Variants in TMEM263 observed in about 807,000 individuals in gnomAD.
TMEM263 encodes transmembrane protein 263.
Under a neutral mutation model 8.6 loss-of-function variants are expected in TMEM263, and 5 were observed. The observed-to-expected ratio is 0.58, with a 90% confidence interval of 0.31 to 1.23. TMEM263 has a LOEUF of 1.23. TMEM263 is among the 50% of genes most tolerant of loss of function. The pLI is 0.07. For synonymous variants in TMEM263, 50 were observed against 47.9 expected, an observed-to-expected ratio of 1.04 and a Z score of -0.18; for missense variants, 104 against 138.8, an observed-to-expected ratio of 0.75 and a Z score of 1.26.
chr12:106,968,088 C>T (rs941165176), intron 3 of TMEM263, among the ~76,000 whole-genome samples: 3 of 152,088 alleles, frequency 2.0e-5, no homozygotes, highest in South Asian at 2.1e-4. Flanking sequence ...TAGACTGTTA[C>T]TAAACTTAAT....
intron 2 of TMEM263, among the ~76,000 whole-genome samples, chr12:106,963,596 T>C (rs1951806776): frequency 6.6e-6 from 1 of 152,242 alleles, no homozygotes; most frequent in Non-Finnish European, 1.5e-5. Flanking sequence ...TTAATCTCTC[T>C]GTCCTTCCAT....
chr12:106,961,232 T>C (rs1284676475), intron 2 of TMEM263, among the ~76,000 whole-genome samples: 3 of 62,140 alleles, frequency 4.8e-5, no homozygotes, highest in Non-Finnish European at 1.0e-4. Flanking sequence ...CAATTTTTTT[T>C]TTTTTTTTTT....
rs1951926937 is a variant in TMEM263 at position 106,971,898 on chromosome 12, T to C, written c.*507T>C. 6.5e-6 allele frequency: 1 copy of C among 152,792 alleles called. No individual in the cohort carries two copies. The highest frequency in any genetic ancestry group is 1.5e-5 in the Non-Finnish European group (1 of 68,168). The allele number at this position is 152,792 out of a possible 1,614,324, so 9.5% of individuals were successfully genotyped here. A position where few individuals can be genotyped will look rare whatever the true frequency, so the allele number is the denominator to read the frequency against. ...TTTAAGCTGGCAAAATTAGCAGGAA[T>C]TAGAGAAGTTTAAAAAGATAAATGG... is the stretch of plus-strand genomic sequence containing the variant. On this transcript the variant is annotated 3_prime_UTR_variant, in exon 4 of 4. Transcript: ENST00000280756.
chr12:106,963,325 T>G (rs1225356845), intron 2 of TMEM263, among the ~76,000 whole-genome samples: 2 of 152,194 alleles, frequency 1.3e-5, no homozygotes, highest in Non-Finnish European at 2.9e-5. Context: ...GGAGACCCAT[T>G]CAGAGATTTT....
intron 3 of TMEM263, among the ~76,000 whole-genome samples, chr12:106,969,440 T>C (rs980965591): frequency 3.3e-5 from 5 of 152,100 alleles, no homozygotes; most frequent in African/African-American, 1.2e-4. Flanking sequence ...ATTATTAGGT[T>C]ACTAGGCCGG....
rs1258949403 is a variant in TMEM263, at chr12:106,973,251, C to A, written c.*1860C>A. ...TCAGCAAACGGGATTAAAAAAAAAA[C>A]TCCAAAATCACTAAATAATTATCTA... On this transcript the variant is annotated 3_prime_UTR_variant, in exon 4 of 4. Transcript: ENST00000280756. The A allele has an allele frequency of 6.6e-6, 1 of 152,124 alleles. No individual in the cohort carries two copies. Among genetic ancestry groups the A allele is most frequent in the Non-Finnish European group, 1.5e-5 (1 of 67,872 alleles). The allele number at this position is 152,124 out of a possible 1,614,324, so 9.4% of individuals were successfully genotyped here.
chr12:106,966,596 T>A (rs1361662765), intron 2 of TMEM263, among the ~76,000 whole-genome samples: 1 of 152,220 alleles, frequency 6.6e-6, no homozygotes, highest in Non-Finnish European at 1.5e-5. Flanking sequence ...CCATTAGCAG[T>A]GTATAAGCAT....
At chr12:106,959,180 A>G (rs1308795115) in intron 2 of TMEM263, 1 of 152,202 alleles carries the variant, frequency 6.6e-6, no homozygotes, top group Admixed American at 6.5e-5. Context: ...CAGGGCAGAT[A>G]GTTTGTATAG....
At chr12:106,962,093 G>A (rs1951784193) in intron 2 of TMEM263, among the ~76,000 whole-genome samples, 1 of 151,936 alleles carries the variant, frequency 6.6e-6, no homozygotes, top group Admixed American at 6.6e-5. Flanking sequence ...AATTAACTAT[G>A]CATATTTCTA....
chr12:106,968,959 TTAAG>T (rs1286759757), intron 3 of TMEM263, among the ~76,000 whole-genome samples: 1 of 152,218 alleles, frequency 6.6e-6, no homozygotes, highest in Admixed American at 6.5e-5. Context: ...CATCTATATA[TTAAG>T]TCTTTTACTT....
intron 2 of TMEM263, among the ~76,000 whole-genome samples, chr12:106,958,795 G>A (rs1255526504): frequency 6.6e-6 from 1 of 152,158 alleles, no homozygotes; most frequent in Non-Finnish European, 1.5e-5. Context: ...TTTTTTGGTA[G>A]AGATGAGGTC....
At chr12:106,968,085 T>A (rs1951869435) in intron 3 of TMEM263, among the ~76,000 whole-genome samples, 1 of 152,136 alleles carries the variant, frequency 6.6e-6, no homozygotes, top group African/African-American at 2.4e-5. Context: ...GTATAGACTG[T>A]TACTAAACTT....
At chr12:106,957,197 TGTGTGTGTGTGTG>T (rs1204499648) in intron 2 of TMEM263, 48 bp downstream of exon 2, 1 of 954,056 alleles carries the variant, frequency 1.0e-6, no homozygotes, top group Admixed American at 6.2e-5. Flanking sequence ...TGTGTGTGTG[TGTGTGTGTGTGTG>T]TATGTGTGTG....
In TMEM263 at chr12:106,972,121, A is replaced by G. The variant is rs1807022039; in HGVS notation, c.*730A>G. The G allele has an allele frequency of 6.6e-6, 1 of 152,580 alleles. No homozygotes were observed. Among genetic ancestry groups the G allele is most frequent in the African/African-American group, 2.4e-5 (1 of 41,442 alleles). 9.5% of individuals were successfully genotyped at this position (152,580 alleles called of 1,614,324 possible). ...ATCTCAGGAGTAGTGGGGTAAAGAC[A>G]TTTCCTGCTGTCAGTGGATAAGACA... On this transcript the variant is annotated 3_prime_UTR_variant, in exon 4 of 4. Transcript: ENST00000280756.
At chr12:106,958,125 A>G (rs1485075736) in intron 2 of TMEM263, among the ~76,000 whole-genome samples, 2 of 152,148 alleles carry the variant, frequency 1.3e-5, no homozygotes, top group Admixed American at 6.5e-5. Flanking sequence ...GTCTTTTTCT[A>G]TTATAGGGAA....
chr12:106,970,428 G>C (rs1291378296), intron 3 of TMEM263, among the ~76,000 whole-genome samples: 1 of 152,152 alleles, frequency 6.6e-6, no homozygotes, highest in Non-Finnish European at 1.5e-5. Context: ...AGGTGATACT[G>C]GTTTATACAT....
At chr12:106,964,863 C>T (rs564962368) in intron 2 of TMEM263, among the ~76,000 whole-genome samples, 1 of 152,202 alleles carries the variant, frequency 6.6e-6, no homozygotes, top group Non-Finnish European at 1.5e-5. Flanking sequence ...CACCCTCATC[C>T]AAGCCACCAA....
chr12:106,957,919 A>C (rs2136755273), intron 2 of TMEM263, among the ~76,000 whole-genome samples: 1 of 152,372 alleles, frequency 6.6e-6, no homozygotes, highest in African/African-American at 2.4e-5. Flanking sequence ...TGGTTTAACT[A>C]GAAAAACATA....
intron 1 of TMEM263, among the ~76,000 whole-genome samples, chr12:106,956,491 C>T (rs1300418919): frequency 3.3e-5 from 5 of 152,202 alleles, no homozygotes; most frequent in Non-Finnish European, 7.3e-5. Flanking sequence ...TGGGTTCAGG[C>T]ACACAAGACT....
Sources: gnomAD v4.1 joint callset for allele counts (sites outside exome capture counted in the v4.1 genomes callset) on GRCh38, gnomAD v4.1.1 for gene constraint, MANE v1.5 for transcripts, NCBI Gene and HGNC (gene_info 2026-07-23, HGNC 2026-07-21) for gene names.